KCNQ1OT1: variants seen among roughly 807,000 people sequenced by gnomAD.
KCNQ1OT1 encodes KCNQ1 antisense RNA 2 (non-protein coding).
rs1218858676 is a variant in KCNQ1OT1 at position 2,653,034 on chromosome 11, T to TGTGAGATCCAAC, written n.46949_46960dup. The TGTGAGATCCAAC allele has an allele frequency of 5.0e-6, 2 of 398,542 alleles. No individual in the cohort carries two copies. Among genetic ancestry groups the TGTGAGATCCAAC allele is most frequent in the African/African-American group, 4.1e-5 (2 of 48,624 alleles). The allele number at this position is 398,542 out of a possible 1,614,324, so 24.7% of individuals were successfully genotyped here. A position where few individuals can be genotyped will look rare whatever the true frequency, so the allele number is the denominator to read the frequency against. ...TCTATTCTGCACACCTTTGATCCAA[T>TGTGAGATCCAAC]GTGAGATCCAACATGTTCCATAATT... On this transcript the variant is annotated non_coding_transcript_exon_variant, in exon 1 of 1. Transcript: ENST00000597346. The surrounding 1 kb of genome is among the most constrained non-coding windows in gnomAD (Gnocchi z 5.3).
In KCNQ1OT1 at chr11:2,663,548, T is replaced by C. The variant is rs1488574747; in HGVS notation, n.36447A>G. Reference sequence around the variant, plus strand: ...TCCCCTCAGAGAGGGGACTGTCCCTTCTCATCCTTCTGGCTGCTTGCTTCT... The same window carrying C: ...TCCCCTCAGAGAGGGGACTGTCCCTCCTCATCCTTCTGGCTGCTTGCTTCT... On this transcript the variant is annotated non_coding_transcript_exon_variant, in exon 1 of 1. Coordinates refer to ENST00000597346, the Ensembl canonical transcript of KCNQ1OT1. This position sits in a 1 kb window ranked among gnomAD's most constrained non-coding sequence, Gnocchi z 5.2. 1 of 398,504 alleles carries C rather than the reference T, an allele frequency of 2.5e-6. No homozygotes were observed. The highest frequency in any genetic ancestry group is 2.1e-5 in the African/African-American group (1 of 48,632). The allele number at this position is 398,504 out of a possible 1,614,324, so 24.7% of individuals were successfully genotyped here.
At chr11:2,667,384 G>A (rs1850096530) in exon 1 of KCNQ1OT1, 2 of 398,692 alleles carry the variant, frequency 5.0e-6, no homozygotes, top group South Asian at 1.3e-4. Context: ...CCCTGCCCCA[G>A]TGCACTCTGG....
exon 1 of KCNQ1OT1, chr11:2,666,329 T>C (rs1850066662): frequency 2.5e-6 from 1 of 398,624 alleles, no homozygotes; most frequent in Admixed American, 4.4e-5. Context: ...ACCAGGTGAC[T>C]GTGAGCACCT....
rs1218196490 is a variant in KCNQ1OT1 at position 2,669,452 on chromosome 11, G to A, written n.30543C>T. The A allele has an allele frequency of 2.5e-6, 1 of 398,632 alleles. No homozygotes were observed. Among genetic ancestry groups the A allele is most frequent in the Non-Finnish European group, 4.4e-6 (1 of 226,078 alleles). The allele number at this position is 398,632 out of a possible 1,614,324, so 24.7% of individuals were successfully genotyped here. A position where few individuals can be genotyped will look rare whatever the true frequency, so the allele number is the denominator to read the frequency against. ...ACTTTCATATCTTTTACCTTGCCCT[G>A]TAGTTTTCAGTGTGGTGGTCATGAA... is the stretch of plus-strand genomic sequence containing the variant. On this transcript the variant is annotated non_coding_transcript_exon_variant, in exon 1 of 1. Transcript: ENST00000597346. This position sits in a 1 kb window ranked among gnomAD's most constrained non-coding sequence, Gnocchi z 5.6.
In KCNQ1OT1 at chr11:2,690,104, C is replaced by T. The variant is rs1224421220; in HGVS notation, n.9891G>A. On this transcript the variant is annotated non_coding_transcript_exon_variant, in exon 1 of 1. Coordinates refer to ENST00000597346, the Ensembl canonical transcript of KCNQ1OT1. This position sits in a 1 kb window ranked among gnomAD's most constrained non-coding sequence, Gnocchi z 5.1. The stretch of plus-strand genomic sequence containing the variant: ...GGCACAGCAGGGACAATCGCTCTTC[C>T]GGGGTTAGAACTGGGGGAGCAGGGA... The T allele has an allele frequency of 1.0e-5, 4 of 398,836 alleles. No individual in the cohort carries two copies. Among genetic ancestry groups the T allele is most frequent in the South Asian group, 2.5e-4 (2 of 7,864 alleles). 24.7% of individuals were successfully genotyped at this position (398,836 alleles called of 1,614,324 possible). A position where few individuals can be genotyped will look rare whatever the true frequency, so the allele number is the denominator to read the frequency against.
rs1850292930 is a variant in KCNQ1OT1, at chr11:2,676,277, T to C, written n.23718A>G. 2.5e-6 allele frequency: 1 copy of C among 398,672 alleles called. No individual in the cohort carries two copies. Among genetic ancestry groups the C allele is most frequent in the Non-Finnish European group, 4.4e-6 (1 of 226,076 alleles). The allele number at this position is 398,672 out of a possible 1,614,324, so 24.7% of individuals were successfully genotyped here. On this transcript the variant is annotated non_coding_transcript_exon_variant, in exon 1 of 1. Transcript: ENST00000597346. The surrounding 1 kb of genome is among the most constrained non-coding windows in gnomAD (Gnocchi z 4.2). The stretch of plus-strand genomic sequence containing the variant: ...AAGCATTTTTATTGCAAAATGTGTG[T>C]TTACATGTATACAGACACACGTGTG...
chr11:2,663,319 G>A lies in KCNQ1OT1; in HGVS notation n.36676C>T. ...GGGCCCCTCCTGGCTGGGTAAAAAGGCAGGAGCAGAGGTGTGAGCAGGCTG... is the reference window on the plus strand; with the variant it reads ...GGGCCCCTCCTGGCTGGGTAAAAAGACAGGAGCAGAGGTGTGAGCAGGCTG... On this transcript the variant is annotated non_coding_transcript_exon_variant, in exon 1 of 1. Transcript: ENST00000597346. The surrounding 1 kb of genome is among the most constrained non-coding windows in gnomAD (Gnocchi z 5.2). 1 of 398,792 alleles carries A rather than the reference G, an allele frequency of 2.5e-6. No homozygotes were observed. The highest frequency in any genetic ancestry group is 4.4e-6 in the Non-Finnish European group (1 of 226,194). 24.7% of individuals were successfully genotyped at this position (398,792 alleles called of 1,614,324 possible). A position where few individuals can be genotyped will look rare whatever the true frequency, so the allele number is the denominator to read the frequency against.
At position 2,659,939 on chromosome 11, in the gene KCNQ1OT1, A is replaced by G. The variant is rs993066529; in HGVS notation, n.40056T>C. 10 of 398,314 alleles carry G rather than the reference A, an allele frequency of 2.5e-5. No homozygotes were observed. The highest frequency in any genetic ancestry group is 2.1e-4 in the African/African-American group (10 of 48,610). The allele number at this position is 398,314 out of a possible 1,614,324, so 24.7% of individuals were successfully genotyped here. A position where few individuals can be genotyped will look rare whatever the true frequency, so the allele number is the denominator to read the frequency against. On this transcript the variant is annotated non_coding_transcript_exon_variant, in exon 1 of 1. Transcript: ENST00000597346. The surrounding 1 kb of genome is among the most constrained non-coding windows in gnomAD (Gnocchi z 4.3). ...GCATTCTTTATATATTCTGAGTGCA[A>G]GTCCTTGACCTGATAGGTGATATGC...
At chr11:2,637,129 C>A (rs1056888901) in exon 1 of KCNQ1OT1, 1 of 152,120 alleles carries the variant, frequency 6.6e-6, no homozygotes, top group African/African-American at 2.4e-5. Context: ...TTCAAAAAAA[C>A]CACCTCCTGG....
At chr11:2,625,156 TGTTTAAC>T (rs1849243109) in exon 1 of KCNQ1OT1, 1 of 398,656 alleles carries the variant, frequency 2.5e-6, no homozygotes, top group East Asian at 3.6e-5. Flanking sequence ...AACACCAAAC[TGTTTAAC>T]ACAGAGGCTG....
Position 2,661,704 on chromosome 11 carries a change from A to C in KCNQ1OT1, n.38291T>G. 1 of 606,156 alleles carries C rather than the reference A, an allele frequency of 1.6e-6. No individual in the cohort carries two copies. The highest frequency in any genetic ancestry group is 2.9e-6 in the Non-Finnish European group (1 of 339,560). The allele number at this position is 606,156 out of a possible 1,614,324, so 37.5% of individuals were successfully genotyped here. On this transcript the variant is annotated non_coding_transcript_exon_variant, in exon 1 of 1. Coordinates refer to ENST00000597346, the Ensembl canonical transcript of KCNQ1OT1. This position sits in a 1 kb window ranked among gnomAD's most constrained non-coding sequence, Gnocchi z 5.9. ...GGGAGAGTCTTGGACACCTGAGCAC[A>C]GCCCCAGGCACAGTTACCACTCCGA...
At chr11:2,665,997 G>A (rs1850059991) in exon 1 of KCNQ1OT1, 1 of 398,532 alleles carries the variant, frequency 2.5e-6, no homozygotes, top group Non-Finnish European at 4.4e-6. Context: ...GACTGGCCTG[G>A]AATTCACACG....
chr11:2,630,963 T>C (rs1183730621), exon 1 of KCNQ1OT1: 1 of 398,408 alleles, frequency 2.5e-6, no homozygotes, highest in African/African-American at 2.1e-5. Flanking sequence ...CTTATGGAGG[T>C]TCCTGCAGAT....
At chr11:2,675,695 C>G in exon 1 of KCNQ1OT1, 1 of 398,666 alleles carries the variant, frequency 2.5e-6, no homozygotes, top group Non-Finnish European at 4.4e-6. Context: ...CTGCCTTTCC[C>G]TGTCAAAAAC....
chr11:2,623,332 G>T lies in KCNQ1OT1; in HGVS notation n.76663C>A. The T allele has an allele frequency of 2.5e-6, 1 of 398,650 alleles. No homozygotes were observed. The highest frequency in any genetic ancestry group is 4.4e-6 in the Non-Finnish European group (1 of 226,066). 24.7% of individuals were successfully genotyped at this position (398,650 alleles called of 1,614,324 possible). A position where few individuals can be genotyped will look rare whatever the true frequency, so the allele number is the denominator to read the frequency against. ...ACTGTGAGAACGGACTAATATGCAT[G>T]TATCTACCATTATAGTATCATACAG... On this transcript the variant is annotated non_coding_transcript_exon_variant, in exon 1 of 1. Transcript: ENST00000597346. The surrounding 1 kb of genome is among the most constrained non-coding windows in gnomAD (Gnocchi z 5.2).
At chr11:2,662,492 T>C in exon 1 of KCNQ1OT1, 1 of 457,608 alleles carries the variant, frequency 2.2e-6, no homozygotes. Context: ...TTGCTGCTGC[T>C]GTCCTCAGGG....
At position 2,652,362 on chromosome 11, in the gene KCNQ1OT1, G is replaced by A. The variant is rs1438229053; in HGVS notation, n.47633C>T. 1.3e-5 allele frequency: 5 copies of A among 398,542 alleles called. No individual in the cohort carries two copies. Among genetic ancestry groups the A allele is most frequent in the Admixed American group, 4.4e-5 (1 of 22,714 alleles). 24.7% of individuals were successfully genotyped at this position (398,542 alleles called of 1,614,324 possible). On this transcript the variant is annotated non_coding_transcript_exon_variant, in exon 1 of 1. Coordinates refer to ENST00000597346, the Ensembl canonical transcript of KCNQ1OT1. This position sits in a 1 kb window ranked among gnomAD's most constrained non-coding sequence, Gnocchi z 5.9. ...ACATTTCCGCGATGTTGTGATGAAG[G>A]TGAAAAGATCGCTCTTAATTAGATT... is the stretch of plus-strand genomic sequence containing the variant.
chr11:2,690,580 C>T lies in KCNQ1OT1; in HGVS notation n.9415G>A. 1 of 398,688 alleles carries T rather than the reference C, an allele frequency of 2.5e-6. No homozygotes were observed. Among genetic ancestry groups the T allele is most frequent in the Non-Finnish European group, 4.4e-6 (1 of 226,114 alleles). 24.7% of individuals were successfully genotyped at this position (398,688 alleles called of 1,614,324 possible). On this transcript the variant is annotated non_coding_transcript_exon_variant, in exon 1 of 1. Coordinates refer to ENST00000597346, the Ensembl canonical transcript of KCNQ1OT1. This position sits in a 1 kb window ranked among gnomAD's most constrained non-coding sequence, Gnocchi z 5.1. ...AACATGTCAAAGATGGGACAGAACC[C>T]ACCTCCTGGCAGGGAGTGGGGCACA...
chr11:2,609,160 T>G, exon 1 of KCNQ1OT1: 1 of 398,328 alleles, frequency 2.5e-6, no homozygotes, highest in Non-Finnish European at 4.4e-6. Flanking sequence ...TAGGCATTCA[T>G]AGCTATAAAA....
Sources: gnomAD v4.1 joint callset for allele counts on GRCh38, gnomAD v4.1.1 for gene constraint, Gnocchi (gnomAD v3.1) non-coding constraint, MANE v1.5 for transcripts, NCBI Gene and HGNC (gene_info 2026-07-23, HGNC 2026-07-21) for gene names.